CEP83: variants seen among roughly 807,000 people sequenced by gnomAD.
CEP83 encodes the protein centrosomal protein of 83 kDa.
CEP83 carries 70 observed loss-of-function variants against 101.9 expected under a neutral mutation model. The ratio of observed to expected loss-of-function variants is 0.69; its 90% CI spans 0.57 to 0.84. The LOEUF is 0.84. CEP83 is among the 40% of genes least tolerant of loss of function. The pLI, the probability that CEP83 is intolerant of heterozygous loss-of-function variation, is 0.00. For missense variants in CEP83, 715 were observed against 787.2 expected (o/e 0.91, Z 1.10); for synonymous variants, 264 against 267.9 (o/e 0.99, Z 0.14).
chr12:94,305,580 A>AGTCT, downstream of CEP83: 2 of 307,468 alleles, frequency 6.5e-6, no homozygotes, highest in East Asian at 1.3e-4. Flanking sequence ...TTGTAACTAC[A>AGTCT]GTCTCCACTT....
intron 2 of CEP83, among the ~76,000 whole-genome samples, chr12:94,427,848 GT>G (rs2065323412): frequency 6.6e-6 from 1 of 152,088 alleles, no homozygotes; most frequent in Non-Finnish European, 1.5e-5. Context: ...TCCTGCACTA[GT>G]CACCCAAACA....
rs760921336 is a variant in CEP83, at chr12:94,375,865, CAG to C, written c.933+19_933+20del. 1.2e-5 allele frequency: 16 copies of C among 1,339,088 alleles called. No homozygotes were observed. The highest frequency in any genetic ancestry group is 2.6e-5 in the East Asian group (1 of 38,886). The allele number at this position is 1,339,088 out of a possible 1,614,324, so 83.0% of individuals were successfully genotyped here. On this transcript the variant is annotated intron_variant, in intron 8 of 16. Transcript: ENST00000397809. The stretch of plus-strand genomic sequence containing the variant: ...CTAACAAACATTCTAAAGAATGAAA[CAG>C]AAACATAAAACAACTTACTTTACTG...
intron 4 of CEP83, among the ~76,000 whole-genome samples, chr12:94,406,241 A>C (rs928256699): frequency 6.6e-6 from 1 of 151,990 alleles, no homozygotes; most frequent in African/African-American, 2.4e-5. Context: ...ATCAGAATAT[A>C]AAAATATTGG....
intron 2 of CEP83, among the ~76,000 whole-genome samples, chr12:94,434,867 A>T (rs1023600057): frequency 1.3e-5 from 2 of 152,220 alleles, no homozygotes; most frequent in Non-Finnish European, 1.5e-5. Context: ...AACCCATCAC[A>T]TGAGGTCAGG....
intron 14 of CEP83, among the ~76,000 whole-genome samples, chr12:94,319,896 C>G (rs1358785027): frequency 1.3e-5 from 2 of 152,130 alleles, no homozygotes; most frequent in Non-Finnish European, 2.9e-5. Context: ...AGTTCACGTC[C>G]TGAATATCTT....
At chr12:94,268,741 C>T in the CEP83 span, among the ~76,000 whole-genome samples, 3 of 151,788 alleles carry the variant, frequency 2.0e-5, no homozygotes, top group Admixed American at 2.0e-4. Context: ...ATTATAGGCA[C>T]CTGCCATCAT....
chr12:94,376,246 C>A (rs1364262913), intron 7 of CEP83, among the ~76,000 whole-genome samples: 1 of 152,000 alleles, frequency 6.6e-6, no homozygotes, highest in Non-Finnish European at 1.5e-5. Flanking sequence ...ATATGAATGA[C>A]CATCAATAAA....
downstream of CEP83, among the ~76,000 whole-genome samples, chr12:94,304,955 G>A (rs986693157): frequency 2.0e-5 from 3 of 152,224 alleles, no homozygotes; most frequent in Non-Finnish European, 2.9e-5. Context: ...ATATTTGTAA[G>A]CAAATAGTTG....
rs1233721344 is a variant in CEP83, at chr12:94,367,942, A to C, written c.1195T>G (p.Leu399Val). The change falls in exon 11 of 17, where the codon TTA (leucine) becomes GTA (valine). Residue 399 changes from leucine (L) to valine (V), a missense_variant and splice_region_variant. Transcript: ENST00000397809. ...QKLVVLQDEK[L>V]ELENRLADLE... Reference sequence around the variant, plus strand: ...TCTGCTAATCTGTTCTCGAGTTCTAACCTAAAACAAGAGATCATAATTATG... The same window carrying C: ...TCTGCTAATCTGTTCTCGAGTTCTACCCTAAAACAAGAGATCATAATTATG... 1 of 1,612,084 alleles carries C rather than the reference A, an allele frequency of 6.2e-7. No homozygotes were observed. Among genetic ancestry groups the C allele is most frequent in the East Asian group, 2.2e-5 (1 of 44,814 alleles).
chr12:94,310,088 C>T lies in CEP83; in HGVS notation c.1831G>A (p.Asp611Asn). The change falls in exon 16 of 17, where the codon GAC (aspartate) becomes AAC (asparagine). Residue 611 changes from aspartate to asparagine, a missense_variant. Physicochemically the swap from Asp to Asn is conservative, Grantham distance 23 (BLOSUM62 1). Coordinates refer to ENST00000397809, the MANE Select transcript of CEP83 (RefSeq NM_016122.3). ...AGTCTTTTTTGAAGCCTTGTATAGT[C>T]TTCAAAAGGAACATTTTGTCTTAAA... is the stretch of plus-strand genomic sequence containing the variant. ...VLNRQNVPFE[D>N]YTRLQKRLKD... is the part of the protein sequence containing the mutation. The T allele has an allele frequency of 6.4e-7, 1 of 1,559,614 alleles. No homozygotes were observed. The highest frequency in any genetic ancestry group is 8.8e-7 in the Non-Finnish European group (1 of 1,141,434).
intron 6 of CEP83, among the ~76,000 whole-genome samples, chr12:94,386,634 TA>T (rs965397503): frequency 6.6e-6 from 1 of 152,202 alleles, no homozygotes; most frequent in African/African-American, 2.4e-5. Flanking sequence ...CTGTGCTGCC[TA>T]TTTTCCAATG....
intron 2 of CEP83, among the ~76,000 whole-genome samples, chr12:94,431,872 C>T (rs753432051): frequency 5.9e-5 from 9 of 151,850 alleles, no homozygotes; most frequent in Non-Finnish European, 1.2e-4. Flanking sequence ...AAAAACAGCA[C>T]GAAGATTTCT....
intron 11 of CEP83, among the ~76,000 whole-genome samples, chr12:94,344,618 T>C (rs1225367135): frequency 6.6e-6 from 1 of 152,044 alleles, no homozygotes; most frequent in East Asian, 1.9e-4. Context: ...TAAAATTGAA[T>C]CAAAGATGAA....
At chr12:94,386,477 A>G (rs2062156185) in intron 6 of CEP83, among the ~76,000 whole-genome samples, 1 of 152,096 alleles carries the variant, frequency 6.6e-6, no homozygotes, top group Non-Finnish European at 1.5e-5. Context: ...TGGCCTCTCA[A>G]ATTCTGAACT....
Position 94,335,536 on chromosome 12 carries a change from A to G in CEP83, c.1419+53T>C. The G allele has an allele frequency of 2.4e-6, 3 of 1,228,314 alleles. No individual in the cohort carries two copies. In the South Asian group the frequency reaches 4.1e-5, roughly 17 times the overall value. 76.1% of individuals were successfully genotyped at this position (1,228,314 alleles called of 1,614,324 possible). On this transcript the variant is annotated intron_variant, in intron 12 of 16. Coordinates refer to ENST00000397809, the MANE Select transcript of CEP83 (RefSeq NM_016122.3). The stretch of plus-strand genomic sequence containing the variant: ...ATTTTTTTAAAATTTGCAAAACATA[A>G]ATTTAAAGAAGCACTTGAAAAAATA...
chr12:94,402,344 G>A (rs1191697340), intron 5 of CEP83: 1 of 152,040 alleles, frequency 6.6e-6, no homozygotes, highest in African/African-American at 2.4e-5. Context: ...TCTAGAGGTG[G>A]TAAAACAGAA....
downstream of CEP83, chr12:94,305,056 T>C (rs974142504): frequency 9.5e-6 from 6 of 631,240 alleles, no homozygotes; most frequent in African/African-American, 1.1e-4. Flanking sequence ...AGTATGTAAA[T>C]GATGGAAGAA....
the CEP83 span, among the ~76,000 whole-genome samples, chr12:94,287,089 T>C: frequency 1.3e-5 from 2 of 152,208 alleles, no homozygotes; most frequent in Non-Finnish European, 2.9e-5. Context: ...GTTCAATTAA[T>C]GTCCACAAAA....
intron 14 of CEP83, among the ~76,000 whole-genome samples, chr12:94,331,358 T>C (rs1295638656): frequency 1.8e-5 from 1 of 55,820 alleles, no homozygotes; most frequent in African/African-American, 6.9e-5. Flanking sequence ...CCTTTTTTCC[T>C]TTTTTTTTTT....
Sources: gnomAD v4.1 joint callset for allele counts (sites outside exome capture counted in the v4.1 genomes callset) on GRCh38, gnomAD v4.1.1 for gene constraint, MANE v1.5 for transcripts, NCBI Gene and HGNC (gene_info 2026-07-23, HGNC 2026-07-21) for gene names.